The following C9orf78 variants were observed in gnomAD, a reference collection of about 807,000 sequenced individuals.
The protein encoded by C9orf78 is chromosome 9 open reading frame 78.
In C9orf78, 19 loss-of-function variants were observed where a neutral mutation model predicts 37.4. The ratio of observed to expected loss-of-function variants is 0.51; its 90% CI spans 0.35 to 0.74. The LOEUF is 0.74. Ranked by LOEUF, C9orf78 falls within the 30% of genes least tolerant of loss-of-function variation. The pLI, the probability that C9orf78 is intolerant of heterozygous loss-of-function variation, is 0.01. For synonymous variants in C9orf78, 130 were observed against 128.0 expected (o/e 1.02, Z -0.10); for missense variants, 291 against 370.8 (o/e 0.78, Z 1.77).
Position 129,829,231 on chromosome 9 carries a change from C to T in C9orf78, c.752G>A (p.Gly251Asp). The change falls in exon 8 of 9, where the codon GGT becomes GAT. Residue 251 changes from glycine to aspartate, a missense_variant. Gly to Asp is a moderately conservative substitution (Grantham distance 94). Transcript: ENST00000372447. ...CTCAGGCTCTGGCTTCTCCGTGTCA[C>T]CTACTCTCAAGGGCCGGGCCTTGGG... ...EEPKARPLRV[G>D]DTEKPEPERS... The T allele has an allele frequency of 6.2e-7, 1 of 1,613,742 alleles. No homozygotes were observed. Among genetic ancestry groups the T allele is most frequent in the Non-Finnish European group, 8.5e-7 (1 of 1,179,738 alleles).
intron 5 of C9orf78, chr9:129,831,304 A>G: frequency 1.9e-6 from 1 of 535,808 alleles, no homozygotes; most frequent in East Asian, 3.0e-5. Flanking sequence ...TTGAAGACAG[A>G]AAGATGATAG....
intron 6 of C9orf78, chr9:129,830,496 T>TACC (rs1588223003): frequency 3.7e-6 from 1 of 273,610 alleles, no homozygotes; most frequent in East Asian, 9.1e-5. Context: ...TCAGCCACCA[T>TACC]ACCTGTCCCC....
At chr9:129,834,255 CTG>C (rs1491258207) in intron 2 of C9orf78, 1 of 180,920 alleles carries the variant, frequency 5.5e-6, no homozygotes, top group Non-Finnish European at 1.2e-5. Flanking sequence ...TGTTCACAAT[CTG>C]AGAGAGAGAG....
intron 1 of C9orf78, 152 bp downstream of exon 1, chr9:129,834,987 G>C: frequency 1.4e-6 from 1 of 705,550 alleles, no homozygotes; most frequent in Non-Finnish European, 2.4e-6. Flanking sequence ...TGGGGCGGTG[G>C]CCTCACCCCT....
chr9:129,832,010 C>G, intron 4 of C9orf78, 37 bp from the exon 5 acceptor site: 1 of 949,764 alleles, frequency 1.1e-6, no homozygotes, highest in Non-Finnish European at 1.7e-6. Flanking sequence ...GCTTTCAAGT[C>G]ACAACTCAAT....
intron 2 of C9orf78, 80 bp downstream of exon 2, chr9:129,834,627 G>A (rs1235216894): frequency 4.3e-6 from 4 of 940,348 alleles, no homozygotes; most frequent in South Asian, 1.3e-5. Context: ...TACGTCTGAG[G>A]AGATATTTGT....
Position 129,827,922 on chromosome 9 carries a change from C to A in C9orf78, c.*239G>T, listed in dbSNP as rs1418954478. The A allele has an allele frequency of 7.1e-6, 2 of 280,428 alleles. No individual in the cohort carries two copies. The highest frequency in any genetic ancestry group is 2.2e-5 in the African/African-American group (1 of 44,466). 17.4% of individuals were successfully genotyped at this position (280,428 alleles called of 1,614,324 possible). ...TCTCCTGCCTCAGCCTCCTGAGCAG[C>A]TGGGATTACAGGCATGTGCCACCAC... On this transcript the variant is annotated 3_prime_UTR_variant, in exon 9 of 9. Coordinates refer to ENST00000372447, the MANE Select transcript of C9orf78 (RefSeq NM_016520.3).
chr9:129,832,059 T>A (rs1267488442), intron 4 of C9orf78, 86 bp from the exon 5 acceptor site: 10 of 720,270 alleles, frequency 1.4e-5, no homozygotes, highest in African/African-American at 3.6e-5. Flanking sequence ...AACAAAGACA[T>A]AAGCATTTAT....
chr9:129,834,766 T>C lies in C9orf78; in HGVS notation c.84A>G (p.Arg28=). The part of the protein sequence containing the change: ...EEDEQDSEEV[R]LKLEETREVQ... Reference sequence around the variant, plus strand: ...CCTCTCTGGTCTCTTCCAGTTTTAATCTTTAAAAAGAAGAAGAAGCAGCAA... The same window carrying C: ...CCTCTCTGGTCTCTTCCAGTTTTAACCTTTAAAAAGAAGAAGAAGCAGCAA... Residue 28 remains arginine, a splice_region_variant and synonymous_variant, in exon 2 of 9, where the codon CGA becomes CGG. Transcript: ENST00000372447. The C allele has an allele frequency of 6.2e-7, 1 of 1,608,128 alleles. No homozygotes were observed. Among genetic ancestry groups the C allele is most frequent in the Non-Finnish European group, 8.5e-7 (1 of 1,175,284 alleles).
chr9:129,831,446 C>T (rs376939427), intron 5 of C9orf78: 6 of 252,312 alleles, frequency 2.4e-5, no homozygotes, highest in Admixed American at 1.0e-4. Context: ...ATTTTGGAGA[C>T]GGAGTTTCAC....
intron 8 of C9orf78, 112 bp downstream of exon 8, chr9:129,829,093 T>C (rs7032945): frequency 5.3e-6 from 4 of 758,028 alleles, no homozygotes; most frequent in Non-Finnish European, 7.0e-6. Context: ...CTGGAACCCA[T>C]ATGCCCCGGC....
At chr9:129,834,935 C>T in intron 1 of C9orf78, 169 bp from the exon 2 acceptor site, 1 of 669,068 alleles carries the variant, frequency 1.5e-6, no homozygotes, top group Non-Finnish European at 2.6e-6. Flanking sequence ...GGAGTCAGAG[C>T]CACTGCGCAT....
intron 6 of C9orf78, 56 bp from the exon 7 acceptor site, chr9:129,829,597 A>G: frequency 2.0e-6 from 3 of 1,508,248 alleles, no homozygotes; most frequent in Non-Finnish European, 1.8e-6. Flanking sequence ...TACTACTCAG[A>G]CATGAGTGGT....
At chr9:129,831,685 A>G in intron 5 of C9orf78, 1 of 503,144 alleles carries the variant, frequency 2.0e-6, no homozygotes, top group East Asian at 3.5e-5. Flanking sequence ...CGGCCTCCCA[A>G]AGTGCTGGGA....
chr9:129,833,102 CTT>C (rs781471026), intron 4 of C9orf78, among the ~76,000 whole-genome samples: 2 of 130,598 alleles, frequency 1.5e-5, no homozygotes, highest in Admixed American at 7.8e-5. Flanking sequence ...TACATACACA[CTT>C]TTTTTTTTTT....
intron 2 of C9orf78, chr9:129,834,036 T>C: frequency 3.2e-6 from 1 of 314,288 alleles, no homozygotes; most frequent in East Asian, 6.8e-5. Context: ...TTTAAGAGAA[T>C]ATCCACTGCA....
chr9:129,835,177 C>G lies in C9orf78; in HGVS notation c.45G>C (p.Ser15=), dbSNP rs759785863. The G allele has an allele frequency of 5.2e-5, 84 of 1,610,784 alleles. No individual in the cohort carries two copies. In the Admixed American group the frequency reaches 1.4e-3, roughly 27 times the overall value. Reference sequence around the variant, plus strand: ...AGTCCTGCTCATCTTCCTCTGACTCCGAGTCGCCCCGGCGGCGACGGAAAA... The same window carrying G: ...AGTCCTGCTCATCTTCCTCTGACTCGGAGTCGCCCCGGCGGCGACGGAAAA... ...RKIFRRRRGD[S]ESEEDEQDSE... Residue 15 remains serine, a synonymous_variant, in exon 1 of 9, where the codon TCG becomes TCC. Coordinates refer to ENST00000372447, the MANE Select transcript of C9orf78 (RefSeq NM_016520.3).
intron 5 of C9orf78, 87 bp from the exon 6 acceptor site, chr9:129,831,155 G>T: frequency 2.5e-6 from 2 of 813,710 alleles, no homozygotes; most frequent in Non-Finnish European, 4.4e-6. Flanking sequence ...ACACTGGCCC[G>T]CAGACCAGTG....
In C9orf78 at chr9:129,828,248, G is replaced by T; in HGVS notation, c.783C>A (p.Ser261=). The change falls in exon 9 of 9, where the codon TCC becomes TCA. Residue 261 remains serine, a synonymous_variant. Coordinates refer to ENST00000372447, the MANE Select transcript of C9orf78 (RefSeq NM_016520.3). ...GDTEKPEPER[S]PPNRKRPANE... ...TAGCAGGACGCTTGCGGTTAGGAGG[G>T]GACCCTGAGAAGGAAAAGAACAGGA... 1 of 1,590,858 alleles carries T rather than the reference G, an allele frequency of 6.3e-7. No individual in the cohort carries two copies. The highest frequency in any genetic ancestry group is 1.1e-5 in the South Asian group (1 of 90,650).
Sources: allele counts gnomAD v4.1 joint callset (sites outside exome capture counted in the v4.1 genomes callset), GRCh38; gene constraint gnomAD v4.1.1; transcripts MANE v1.5; gene names NCBI Gene and HGNC (gene_info 2026-07-23, HGNC 2026-07-21).